Variants in ITGA9 observed in about 807,000 individuals in gnomAD.
The protein encoded by ITGA9 is integrin subunit alpha 9.
Under a neutral mutation model 127.8 loss-of-function variants are expected in ITGA9, and 56 were observed. That is an observed-to-expected ratio of 0.44 (90% CI 0.35 to 0.55). The LOEUF (loss-of-function observed/expected upper bound fraction) is 0.55. Ranked by LOEUF, ITGA9 falls within the 20% of genes least tolerant of loss-of-function variation. The pLI is 0.00. For synonymous variants in ITGA9, 508 were observed against 514.5 expected (o/e 0.99, Z 0.17); for missense variants, 1,196 against 1,347.1 (o/e 0.89, Z 1.76).
intron 23 of ITGA9, among the ~76,000 whole-genome samples, chr3:37,758,642 T>C (rs569654856): frequency 2.7e-5 from 4 of 149,194 alleles, no homozygotes; most frequent in African/African-American, 5.2e-5. Flanking sequence ...CAGAAACCTA[T>C]AGGAAACTTC....
intron 5 of ITGA9, among the ~76,000 whole-genome samples, chr3:37,501,810 C>T (rs1170735539): frequency 1.3e-5 from 2 of 152,076 alleles, no homozygotes; most frequent in African/African-American, 2.4e-5. Context: ...AGAGGGAGTT[C>T]CGAAGACCAG....
At chr3:37,576,484 C>T (rs976236914) in intron 15 of ITGA9, among the ~76,000 whole-genome samples, 4 of 152,182 alleles carry the variant, frequency 2.6e-5, no homozygotes, top group African/African-American at 9.7e-5. Flanking sequence ...AACATTCCCC[C>T]TGGGCTCACT....
chr3:37,776,267 A>G (rs1034469811), intron 23 of ITGA9, among the ~76,000 whole-genome samples: 1 of 152,184 alleles, frequency 6.6e-6, no homozygotes, highest in Non-Finnish European at 1.5e-5. Flanking sequence ...AATAATCTGT[A>G]CCAAAAACCT....
At chr3:37,667,311 C>T (rs367799156) in intron 17 of ITGA9, among the ~76,000 whole-genome samples, 12 of 152,170 alleles carry the variant, frequency 7.9e-5, no homozygotes, top group East Asian at 3.9e-4. Context: ...TTCGTCTGGA[C>T]CCTTTTTTCC....
At chr3:37,549,488 A>C (rs1056689663) in intron 15 of ITGA9, among the ~76,000 whole-genome samples, 3 of 152,330 alleles carry the variant, frequency 2.0e-5, no homozygotes, top group Admixed American at 6.5e-5. Flanking sequence ...GCTATGGGTA[A>C]AATTTTTATT....
intron 18 of ITGA9, among the ~76,000 whole-genome samples, chr3:37,708,409 G>C (rs1426541583): frequency 6.6e-6 from 1 of 152,230 alleles, no homozygotes; most frequent in Non-Finnish European, 1.5e-5. Flanking sequence ...CTCGTGATGG[G>C]AGTAGCTGCG....
At chr3:37,709,872 AGCAGAG>A (rs2125677940) in intron 18 of ITGA9, among the ~76,000 whole-genome samples, 1 of 152,324 alleles carries the variant, frequency 6.6e-6, no homozygotes, top group Admixed American at 6.5e-5. Context: ...CTACTCAGGA[AGCAGAG>A]GCAGGAGAAT....
At chr3:37,648,300 C>A (rs1490943264) in intron 16 of ITGA9, among the ~76,000 whole-genome samples, 3 of 152,066 alleles carry the variant, frequency 2.0e-5, no homozygotes, top group African/African-American at 7.2e-5. Context: ...TCAGCAGAAA[C>A]CTTGCAGGTC....
intron 15 of ITGA9, among the ~76,000 whole-genome samples, chr3:37,622,545 A>T (rs1202271516): frequency 2.0e-5 from 3 of 152,140 alleles, no homozygotes; most frequent in African/African-American, 4.8e-5. Context: ...GTTGCCATTT[A>T]AAAAATTGTA....
intron 11 of ITGA9, 66 bp downstream of exon 11, chr3:37,519,420 T>G: frequency 7.9e-7 from 1 of 1,258,806 alleles, no homozygotes; most frequent in Admixed American, 1.8e-5. Flanking sequence ...TATGGAACCT[T>G]CATTATGCAC....
intron 17 of ITGA9, among the ~76,000 whole-genome samples, chr3:37,681,458 C>T (rs1305484981): frequency 6.6e-6 from 1 of 152,170 alleles, no homozygotes; most frequent in East Asian, 1.9e-4. Context: ...CACATGATTT[C>T]ACTTAGGCAA....
rs188913007 is a variant in ITGA9, at chr3:37,704,076, G to A, written c.2067+20061G>A. ...GAGGCTTATTTACATGTCTTTTGGG[G>A]TATGCTGGCTGCTCACGTGGCTTTG... On this transcript the variant is annotated intron_variant, in intron 18 of 27. Coordinates refer to ENST00000264741, the MANE Select transcript of ITGA9 (RefSeq NM_002207.3). 2.0e-5 allele frequency among the ~76,000 whole-genome samples: 3 copies of A among 152,300 alleles called. No homozygotes were observed. In the East Asian group the frequency reaches 5.8e-4, roughly 29 times the overall value.
chr3:37,779,027 G>A (rs1163193626), intron 24 of ITGA9, among the ~76,000 whole-genome samples: 3 of 152,084 alleles, frequency 2.0e-5, no homozygotes, highest in Non-Finnish European at 2.9e-5. Context: ...ATCAAGGTAT[G>A]TATACGCATT....
At chr3:37,702,420 G>A (rs761021413) in intron 18 of ITGA9, among the ~76,000 whole-genome samples, 2 of 152,178 alleles carry the variant, frequency 1.3e-5, no homozygotes, top group Non-Finnish European at 2.9e-5. Flanking sequence ...GGTTCCTGCC[G>A]ATTGGCAAGG....
At chr3:37,624,043 C>G in intron 15 of ITGA9, among the ~76,000 whole-genome samples, 1 of 152,014 alleles carries the variant, frequency 6.6e-6, no homozygotes. Flanking sequence ...TTTAAAAACA[C>G]TTAGAAGATT....
At chr3:37,675,988 C>T (rs867186392) in intron 17 of ITGA9, among the ~76,000 whole-genome samples, 4 of 152,076 alleles carry the variant, frequency 2.6e-5, no homozygotes, top group South Asian at 4.2e-4. Context: ...ATGATCCACC[C>T]GCCTTGGCCT....
Position 37,650,332 on chromosome 3 carries a change from A to T in ITGA9, c.1840-3382A>T, listed in dbSNP as rs144667308. Among the ~76,000 whole-genome samples the T allele has an allele frequency of 3.7e-3, 567 of 152,284 alleles. 4 individuals carry two copies. The highest frequency in any genetic ancestry group is 0.013 in the African/African-American group (543 of 41,552). The stretch of plus-strand genomic sequence containing the variant: ...AAGTCACATTGTAAGGAGTGCCATC[A>T]TCGAGATATTGTTGCATTGATTTTT... On this transcript the variant is annotated intron_variant, in intron 16 of 27. Transcript: ENST00000264741.
chr3:37,804,417 A>G (rs1434326051), intron 27 of ITGA9, among the ~76,000 whole-genome samples: 3 of 152,168 alleles, frequency 2.0e-5, no homozygotes, highest in Non-Finnish European at 2.9e-5. Context: ...TCCCAACCTC[A>G]TGGTGGTTCA....
chr3:37,534,937 T>G (rs1465192436), intron 14 of ITGA9, among the ~76,000 whole-genome samples: 1 of 152,258 alleles, frequency 6.6e-6, no homozygotes, highest in African/African-American at 2.4e-5. Flanking sequence ...TTCTGATAGT[T>G]CTGGGACTCG....
Sources: allele counts gnomAD v4.1 joint callset (sites outside exome capture counted in the v4.1 genomes callset), GRCh38; gene constraint gnomAD v4.1.1; transcripts MANE v1.5; gene names NCBI Gene and HGNC (gene_info 2026-07-23, HGNC 2026-07-21).